Variants in ASIC2 observed in about 807,000 individuals in gnomAD.
ASIC2 encodes the protein acid-sensing ion channel 2.
Under a neutral mutation model 57.3 loss-of-function variants are expected in ASIC2, and 25 were observed. That is an observed-to-expected ratio of 0.44 (90% confidence interval 0.32 to 0.61). ASIC2 has a LOEUF of 0.61. ASIC2 is among the 20% of genes least tolerant of loss of function. The pLI is 0.06. For missense variants in ASIC2, 641 were observed against 738.1 expected (o/e 0.87, Z 1.52); for synonymous variants, 319 against 307.5 (o/e 1.04, Z -0.39).
chr17:34,012,329 T>C (rs1199552391), intron 1 of ASIC2, among the ~76,000 whole-genome samples: 1 of 152,196 alleles, frequency 6.6e-6, no homozygotes, highest in Admixed American at 6.5e-5. Context: ...CCAGCATCTT[T>C]ATAGCCTATC....
At chr17:34,020,081 T>C (rs759524638) in intron 1 of ASIC2, among the ~76,000 whole-genome samples, 2 of 152,198 alleles carry the variant, frequency 1.3e-5, no homozygotes, top group Non-Finnish European at 2.9e-5. Context: ...TAGGGAAAAA[T>C]GCCTCATCTC....
intron 1 of ASIC2, among the ~76,000 whole-genome samples, chr17:33,858,726 TG>T (rs149385546): frequency 0.014 from 2,195 of 152,332 alleles, 36 homozygotes; most frequent in Admixed American, 0.043. Context: ...GGGTGTCCTC[TG>T]GGAATCTCCA....
At chr17:33,729,673 C>T (rs114371577) in intron 1 of ASIC2, among the ~76,000 whole-genome samples, 2,798 of 152,228 alleles carry the variant, frequency 0.018, 80 homozygotes, top group African/African-American at 0.06. Context: ...TTAAATTCCC[C>T]ATCCATAAAA....
intron 1 of ASIC2, among the ~76,000 whole-genome samples, chr17:33,454,466 C>T (rs73986667): frequency 0.045 from 6,808 of 152,260 alleles, 492 homozygotes; most frequent in African/African-American, 0.15. Flanking sequence ...TGTAGGCACC[C>T]AGTACTTCCA....
intron 1 of ASIC2, among the ~76,000 whole-genome samples, chr17:33,786,870 A>G (rs570677010): frequency 6.6e-6 from 1 of 152,350 alleles, no homozygotes; most frequent in Non-Finnish European, 1.5e-5. Flanking sequence ...AGTCTGAGTC[A>G]GTGAGAAGGG....
intron 1 of ASIC2, among the ~76,000 whole-genome samples, chr17:33,673,335 G>A (rs1388623132): frequency 6.6e-6 from 1 of 152,180 alleles, no homozygotes; most frequent in Non-Finnish European, 1.5e-5. Flanking sequence ...AAGGGCTTGG[G>A]CTTTCTCTTT....
At chr17:33,481,538 A>G (rs1913404861) in intron 1 of ASIC2, among the ~76,000 whole-genome samples, 1 of 152,088 alleles carries the variant, frequency 6.6e-6, no homozygotes, top group Non-Finnish European at 1.5e-5. Flanking sequence ...GAGTCCACAA[A>G]TCTTTGTCCT....
At chr17:34,034,592 T>G (rs961176924) in intron 1 of ASIC2, among the ~76,000 whole-genome samples, 2 of 152,192 alleles carry the variant, frequency 1.3e-5, no homozygotes, top group African/African-American at 4.8e-5. Context: ...GCAGATGACA[T>G]GATTGTATAT....
At chr17:33,075,258 G>A (rs532306550) in intron 3 of ASIC2, among the ~76,000 whole-genome samples, 5 of 152,248 alleles carry the variant, frequency 3.3e-5, no homozygotes, top group Admixed American at 6.5e-5. Context: ...CTGCCGCCAC[G>A]TAAGACATGC....
chr17:33,756,953 A>G (rs926680088), intron 1 of ASIC2, among the ~76,000 whole-genome samples: 2 of 152,216 alleles, frequency 1.3e-5, no homozygotes, highest in Admixed American at 1.3e-4. Context: ...CACACTCCAC[A>G]CAGAGGTTTT....
chr17:33,873,037 T>C (rs1381558168), intron 1 of ASIC2, among the ~76,000 whole-genome samples: 1 of 152,144 alleles, frequency 6.6e-6, no homozygotes, highest in Non-Finnish European at 1.5e-5. Context: ...AGAAAAAATC[T>C]GACATCATAA....
chr17:33,090,609 G>A (rs372950308), intron 2 of ASIC2, among the ~76,000 whole-genome samples: 2 of 152,156 alleles, frequency 1.3e-5, no homozygotes, highest in Non-Finnish European at 2.9e-5. Context: ...GGGATGGAGA[G>A]GGGGAGGACA....
intron 1 of ASIC2, among the ~76,000 whole-genome samples, chr17:33,963,200 C>T (rs1597951828): frequency 6.6e-6 from 1 of 152,186 alleles, no homozygotes; most frequent in Non-Finnish European, 1.5e-5. Flanking sequence ...CCCAACTACA[C>T]TTCTACCAAC....
chr17:33,638,026 A>G (rs2142031703), intron 1 of ASIC2, among the ~76,000 whole-genome samples: 1 of 152,298 alleles, frequency 6.6e-6, no homozygotes, highest in Non-Finnish European at 1.5e-5. Context: ...TGGTTGAGTT[A>G]TGAGTCAAAA....
chr17:33,093,812 C>A (rs997939596), intron 2 of ASIC2, among the ~76,000 whole-genome samples: 1 of 152,122 alleles, frequency 6.6e-6, no homozygotes, highest in Non-Finnish European at 1.5e-5. Context: ...TTCATCTTGG[C>A]AAATTACGGA....
At position 34,133,135 on chromosome 17, in the gene ASIC2, C is replaced by T. The variant is rs73986899; in HGVS notation, c.555+22843G>A. Among the ~76,000 whole-genome samples the T allele has an allele frequency of 9.0e-3, 1,368 of 152,322 alleles. 27 individuals are homozygous for T. The highest frequency in any genetic ancestry group is 0.031 in the African/African-American group (1,306 of 41,568). On this transcript the variant is annotated intron_variant, in intron 1 of 9. Coordinates refer to the ASIC2 transcript ENST00000359872. ...TATCTGATTTAATTAAATGTTCATA[C>T]TGACTCTGGGATTGATAAATAGATG...
At chr17:33,918,285 G>A (rs896586701) in intron 1 of ASIC2, among the ~76,000 whole-genome samples, 1 of 152,052 alleles carries the variant, frequency 6.6e-6, no homozygotes, top group African/African-American at 2.4e-5. Context: ...CACCTTATAT[G>A]AATCTCCACC....
At chr17:33,308,872 G>A (rs187714737) in intron 1 of ASIC2, among the ~76,000 whole-genome samples, 7 of 152,228 alleles carry the variant, frequency 4.6e-5, no homozygotes, top group Non-Finnish European at 7.4e-5. Context: ...TTGTCAATCC[G>A]TTCAATGATA....
chr17:34,040,806 G>A (rs1908102323), intron 1 of ASIC2, among the ~76,000 whole-genome samples: 1 of 152,010 alleles, frequency 6.6e-6, no homozygotes, highest in East Asian at 1.9e-4. Context: ...TAAGTTTGAG[G>A]GAAAAACACC....
Sources: gnomAD v4.1 joint callset for allele counts (sites outside exome capture counted in the v4.1 genomes callset) on GRCh38, gnomAD v4.1.1 for gene constraint, MANE v1.5 for transcripts, NCBI Gene and HGNC (gene_info 2026-07-23, HGNC 2026-07-21) for gene names.